Variants in ITGB1BP1 observed in about 807,000 individuals in gnomAD.
The protein encoded by ITGB1BP1 is integrin subunit beta 1 binding protein 1, also known as integrin beta-1-binding protein 1.
In ITGB1BP1, 20 loss-of-function variants were observed where a neutral mutation model predicts 28.0. The observed-to-expected ratio is 0.71, with a 90% CI of 0.50 to 1.04. The LOEUF is 1.04. Among genes scored for constraint, ITGB1BP1 ranks in the 50% least tolerant of loss-of-function variants. ITGB1BP1 has a pLI of 0.00. For missense variants in ITGB1BP1, 228 were observed against 242.5 expected, an observed-to-expected ratio of 0.94 and a Z score of 0.40; for synonymous variants, 103 against 89.5, an observed-to-expected ratio of 1.15 and a Z score of -0.85.
rs1336567051 is a variant in ITGB1BP1 at position 9,406,119 on chromosome 2, C to T, written c.*715G>A. 1 of 53,820 alleles carries T rather than the reference C, an allele frequency of 1.9e-5. No homozygotes were observed. The highest frequency in any genetic ancestry group is 8.8e-5 in the African/African-American group (1 of 11,426). 3.3% of individuals were successfully genotyped at this position (53,820 alleles called of 1,614,324 possible). ...TGAGTGGACCTCTGTGACATCTCGT[C>T]TTCCTCAGGCCTTCAGTGTGTGTTT... On this transcript the variant is annotated 3_prime_UTR_variant, in exon 7 of 7. Coordinates refer to ENST00000355346, the MANE Select transcript of ITGB1BP1 (RefSeq NM_004763.5).
Position 9,423,523 on chromosome 2 carries a change from G to T in ITGB1BP1, c.-186C>A. 1 of 1,193,982 alleles carries T rather than the reference G, an allele frequency of 8.4e-7. No homozygotes were observed. The highest frequency in any genetic ancestry group is 1.1e-6 in the Non-Finnish European group (1 of 922,148). 74.0% of individuals were successfully genotyped at this position (1,193,982 alleles called of 1,614,324 possible). On this transcript the variant is annotated 5_prime_UTR_variant, in exon 1 of 7. Coordinates refer to ENST00000355346, the MANE Select transcript of ITGB1BP1 (RefSeq NM_004763.5). ...CACGTCCGCCGGGCCGCGCCTCCAA[G>T]ACTATGCGCAGGCGCAGTCCTGACG...
chr2:9,423,557 C>T, upstream of ITGB1BP1: 1 of 1,147,502 alleles, frequency 8.7e-7, no homozygotes, highest in South Asian at 1.7e-5. Flanking sequence ...CGTCCTACCC[C>T]CGGTTCCAAG....
At chr2:9,422,754 T>G in intron 1 of ITGB1BP1, 13 of 985,608 alleles carry the variant, frequency 1.3e-5, no homozygotes, top group Non-Finnish European at 1.6e-5. Context: ...CCACGTGCCA[T>G]GCACGGTGCT....
chr2:9,412,141 G>A (rs1310926806), intron 4 of ITGB1BP1, 128 bp downstream of exon 4: 10 of 738,474 alleles, frequency 1.4e-5, no homozygotes, highest in African/African-American at 8.8e-5. Flanking sequence ...GTGGTGATGC[G>A]GGGACTTCAG....
rs1273564364 is a variant in ITGB1BP1, at chr2:9,406,600, T to C, written c.*234A>G. 4 of 531,130 alleles carry C rather than the reference T, an allele frequency of 7.5e-6. No homozygotes were observed. Among genetic ancestry groups the C allele is most frequent in the African/African-American group, 1.9e-5 (1 of 52,202 alleles). 32.9% of individuals were successfully genotyped at this position (531,130 alleles called of 1,614,324 possible). ...ACACTTAGGTTAAGCTTATTAGAAGTTGAAAAAGACAAATGAAGTTTTTTA... is the reference window on the plus strand; with the variant it reads ...ACACTTAGGTTAAGCTTATTAGAAGCTGAAAAAGACAAATGAAGTTTTTTA... On this transcript the variant is annotated 3_prime_UTR_variant, in exon 7 of 7. Coordinates refer to ENST00000355346, the MANE Select transcript of ITGB1BP1 (RefSeq NM_004763.5).
At chr2:9,416,135 G>A (rs866078274) in intron 2 of ITGB1BP1, among the ~76,000 whole-genome samples, 4 of 152,072 alleles carry the variant, frequency 2.6e-5, no homozygotes, top group Admixed American at 6.6e-5. Flanking sequence ...TCATTGACCC[G>A]ACTCAGCCTC....
At position 9,403,587 on chromosome 2, in the gene ITGB1BP1, T is replaced by C; in HGVS notation, c.*3247A>G. ...AGGTGAACTGAAAAGTTATTTTAACTATTATACATAATCAAGATCCTGCCT... is the reference window on the plus strand; with the variant it reads ...AGGTGAACTGAAAAGTTATTTTAACCATTATACATAATCAAGATCCTGCCT... On this transcript the variant is annotated 3_prime_UTR_variant, in exon 7 of 7. Coordinates refer to ENST00000355346, the MANE Select transcript of ITGB1BP1 (RefSeq NM_004763.5). The C allele has an allele frequency of 2.2e-6, 1 of 444,932 alleles. No individual in the cohort carries two copies. 27.6% of individuals were successfully genotyped at this position (444,932 alleles called of 1,614,324 possible).
chr2:9,411,430 A>C (rs988018343), intron 4 of ITGB1BP1, among the ~76,000 whole-genome samples: 3 of 152,216 alleles, frequency 2.0e-5, no homozygotes, highest in Non-Finnish European at 2.9e-5. Flanking sequence ...CCCATAAAAA[A>C]GTATTAATAG....
intron 4 of ITGB1BP1, among the ~76,000 whole-genome samples, chr2:9,410,639 C>T (rs1336981703): frequency 6.6e-6 from 1 of 152,158 alleles, no homozygotes; most frequent in Non-Finnish European, 1.5e-5. Context: ...AGGGTTTTGC[C>T]ATATTGGCCA....
chr2:9,416,968 C>T (rs1679218076), intron 2 of ITGB1BP1, among the ~76,000 whole-genome samples: 1 of 152,106 alleles, frequency 6.6e-6, no homozygotes, highest in Admixed American at 6.5e-5. Context: ...ATGAGTGCCA[C>T]CTCAAACTCT....
chr2:9,412,440 G>A, intron 3 of ITGB1BP1, 35 bp from the exon 4 acceptor site: 1 of 1,563,952 alleles, frequency 6.4e-7, no homozygotes, highest in Non-Finnish European at 8.7e-7. Flanking sequence ...GACTTAAGAA[G>A]AAATATCTGC....
At position 9,418,615 on chromosome 2, in the gene ITGB1BP1, C is replaced by A. The variant is rs200805544; in HGVS notation, c.72+11G>T. ...TGCTTTATGATTCTGTTCCAAATTC[C>A]ATTTCCCTACCTTGCTCTTAGTACT... On this transcript the variant is annotated intron_variant, in intron 2 of 6. Transcript: ENST00000355346. 1.5e-4 allele frequency: 228 copies of A among 1,568,488 alleles called. 1 individual carries two copies. In the East Asian group the frequency reaches 5.1e-3, roughly 35 times the overall value.
At chr2:9,411,749 A>G (rs1219491146) in intron 4 of ITGB1BP1, among the ~76,000 whole-genome samples, 1 of 150,596 alleles carries the variant, frequency 6.6e-6, no homozygotes, top group African/African-American at 2.4e-5. Flanking sequence ...ACAAGTATTA[A>G]AAAGTACTGT....
At chr2:9,407,730 G>C (rs1677722297) in intron 5 of ITGB1BP1, 132 bp from the exon 6 acceptor site, 7 of 961,518 alleles carry the variant, frequency 7.3e-6, no homozygotes, top group African/African-American at 1.6e-5. Flanking sequence ...GGGATGTCCT[G>C]TATGCTCAGT....
Position 9,412,302 on chromosome 2 carries a change from T to C in ITGB1BP1, c.255A>G (p.Pro85=), listed in dbSNP as rs964218051. The change falls in exon 4 of 7, where the codon CCA becomes CCG. Residue 85 remains proline (P), a synonymous_variant. Transcript: ENST00000355346. Reference sequence around the variant, plus strand: ...CGTCTATATAATTTATCAGGTCTAATGGCCCTTCAAGGCCTTTTCCCTCGG... The same window carrying C: ...CGTCTATATAATTTATCAGGTCTAACGGCCCTTCAAGGCCTTTTCCCTCGG... The part of the protein sequence containing the change: ...KLSEGKGLEG[P]LDLINYIDVA... 2.5e-6 allele frequency: 4 copies of C among 1,612,156 alleles called. No individual in the cohort carries two copies. In the African/African-American group the frequency reaches 5.3e-5, roughly 22 times the overall value.
intron 3 of ITGB1BP1, chr2:9,412,653 T>G: frequency 3.1e-6 from 1 of 326,198 alleles, no homozygotes; most frequent in Non-Finnish European, 5.5e-6. Context: ...ATATTAACCT[T>G]CCCTTCAAAA....
intron 4 of ITGB1BP1, chr2:9,408,473 T>C: frequency 3.2e-6 from 1 of 316,912 alleles, no homozygotes; most frequent in Non-Finnish European, 5.9e-6. Flanking sequence ...TTGCAACGTC[T>C]GCCTCCTTGG....
intron 1 of ITGB1BP1, chr2:9,420,243 A>T (rs4479399): frequency 6.5e-6 from 1 of 153,722 alleles, no homozygotes; most frequent in Non-Finnish European, 1.4e-5. Flanking sequence ...AAGTCTGACC[A>T]CTGAGCCCAA....
chr2:9,413,652 C>T (rs902962021), intron 3 of ITGB1BP1, among the ~76,000 whole-genome samples: 1 of 151,984 alleles, frequency 6.6e-6, no homozygotes, highest in African/African-American at 2.4e-5. Context: ...CTACTAATTT[C>T]GGGCAGCTGC....
Sources: gnomAD v4.1 joint callset for allele counts (sites outside exome capture counted in the v4.1 genomes callset) on GRCh38, gnomAD v4.1.1 for gene constraint, MANE v1.5 for transcripts, NCBI Gene and HGNC (gene_info 2026-07-23, HGNC 2026-07-21) for gene names.